The following GLIS3 variants were observed in gnomAD, a reference collection of about 807,000 sequenced individuals.
GLIS3 encodes GLIS family zinc finger 3, also known as zinc finger protein GLIS3.
A neutral mutation model predicts 78.6 loss-of-function variants in GLIS3; 53 were observed. That is an observed-to-expected ratio of 0.67 (90% CI 0.54 to 0.85). The LOEUF is 0.85. GLIS3 is among the 40% of genes least tolerant of loss of function. The pLI is 0.00. For missense variants in GLIS3, 1,703 were observed against 1,231.1 expected, an observed-to-expected ratio of 1.38 and a Z score of -5.74; for synonymous variants, 684 against 509.9, an observed-to-expected ratio of 1.34 and a Z score of -4.60.
chr9:4,261,431 A>G (rs1359620855), intron 2 of GLIS3, among the ~76,000 whole-genome samples: 1 of 152,174 alleles, frequency 6.6e-6, no homozygotes, highest in Non-Finnish European at 1.5e-5. Flanking sequence ...GGGATGGTGA[A>G]AGTATGAATG....
rs186214643 is a variant in GLIS3 at position 4,294,139 on chromosome 9, T to A, written c.-99+5282A>T. Among the ~76,000 whole-genome samples the A allele has an allele frequency of 8.5e-4, 129 of 152,326 alleles. 1 individual carries two copies. The highest frequency in any genetic ancestry group is 3.4e-3 in the Middle Eastern group (1 of 294). On this transcript the variant is annotated intron_variant, in intron 1 of 10. Coordinates refer to ENST00000381971, the MANE Select transcript of GLIS3 (RefSeq NM_001042413.2). ...CCAAACACCCACTTTAGGCCCTCCT[T>A]GATCCTTTTTTAGTCTCTATAAATC...
chr9:3,880,437 A>T (rs915753657), intron 7 of GLIS3, among the ~76,000 whole-genome samples: 7 of 152,302 alleles, frequency 4.6e-5, no homozygotes, highest in Middle Eastern at 6.8e-3. Context: ...AGTGTCTGGG[A>T]CCTACTCCGT....
chr9:4,137,897 C>G (rs1395267231), intron 2 of GLIS3, among the ~76,000 whole-genome samples: 1 of 152,210 alleles, frequency 6.6e-6, no homozygotes, highest in African/African-American at 2.4e-5. Context: ...TCTCCCTCGA[C>G]AAATTTTCTA....
chr9:3,865,193 C>T (rs1820491784), intron 8 of GLIS3, among the ~76,000 whole-genome samples: 2 of 152,180 alleles, frequency 1.3e-5, no homozygotes, highest in African/African-American at 4.8e-5. Context: ...AGGACACAAA[C>T]ACAAAAGGTT....
chr9:4,294,340 T>C (rs942046108), intron 1 of GLIS3, among the ~76,000 whole-genome samples: 8 of 152,100 alleles, frequency 5.3e-5, no homozygotes, highest in African/African-American at 1.7e-4. Context: ...GAAACCCCCA[T>C]CTCTACTAAA....
chr9:4,061,817 C>T (rs978764402), intron 4 of GLIS3, among the ~76,000 whole-genome samples: 7 of 152,178 alleles, frequency 4.6e-5, no homozygotes, highest in African/African-American at 1.4e-4. Flanking sequence ...AAGAATTATG[C>T]AAGAATGCCA....
chr9:4,133,091 TTAGA>T (rs1231971430), intron 2 of GLIS3, among the ~76,000 whole-genome samples: 1 of 152,192 alleles, frequency 6.6e-6, no homozygotes, highest in Non-Finnish European at 1.5e-5. Flanking sequence ...GAATAGAACA[TTAGA>T]TAAAGTTGAA....
chr9:4,250,785 G>A (rs566207151), intron 2 of GLIS3, among the ~76,000 whole-genome samples: 2 of 152,286 alleles, frequency 1.3e-5, no homozygotes, highest in Admixed American at 1.3e-4. Flanking sequence ...TGCTTTAGCT[G>A]TGTCCCAGAG....
At chr9:4,380,153 G>A in the GLIS3 span, among the ~76,000 whole-genome samples, 2 of 152,208 alleles carry the variant, frequency 1.3e-5, no homozygotes, top group African/African-American at 4.8e-5. Context: ...TATACAGCTA[G>A]GAGAAGGAAT....
upstream of GLIS3, among the ~76,000 whole-genome samples, chr9:4,349,507 T>C (rs1817936177): frequency 1.3e-5 from 2 of 152,092 alleles, no homozygotes; most frequent in East Asian, 1.9e-4. Context: ...AGAATGGAAA[T>C]GGTCATTGCA....
intron 6 of GLIS3, among the ~76,000 whole-genome samples, chr9:3,914,006 C>T (rs193087195): frequency 8.5e-5 from 13 of 152,210 alleles, no homozygotes; most frequent in Admixed American, 3.9e-4. Flanking sequence ...AATGAAATCA[C>T]GTCACATGCA....
chr9:4,432,799 C>T, the GLIS3 span, among the ~76,000 whole-genome samples: 1 of 151,936 alleles, frequency 6.6e-6, no homozygotes, highest in Non-Finnish European at 1.5e-5. Context: ...CGCCACCACG[C>T]CCGGCTAATT....
At chr9:4,460,569 G>A in the GLIS3 span, among the ~76,000 whole-genome samples, 5 of 13,998 alleles carry the variant, frequency 3.6e-4, no homozygotes, top group East Asian at 1.8e-3. Flanking sequence ...ACCACCCCCC[G>A]AGTTTAAATA....
At chr9:4,233,756 T>C (rs1220712707) in intron 2 of GLIS3, among the ~76,000 whole-genome samples, 1 of 152,224 alleles carries the variant, frequency 6.6e-6, no homozygotes, top group African/African-American at 2.4e-5. Context: ...ACTTCTCCTC[T>C]GTAGCTATGA....
intron 2 of GLIS3, among the ~76,000 whole-genome samples, chr9:4,174,782 G>C (rs780642397): frequency 6.6e-6 from 1 of 152,190 alleles, no homozygotes; most frequent in Non-Finnish European, 1.5e-5. Context: ...TATATTCCAG[G>C]AGGCAGTACA....
chr9:4,388,136 T>C, the GLIS3 span, among the ~76,000 whole-genome samples: 670 of 152,306 alleles, frequency 4.4e-3, 4 homozygotes, highest in African/African-American at 0.015. Flanking sequence ...AGGTTATCCA[T>C]GCGTAAGACT....
chr9:4,350,825 G>T (rs1323330919), upstream of GLIS3, among the ~76,000 whole-genome samples: 3 of 149,886 alleles, frequency 2.0e-5, no homozygotes, highest in Non-Finnish European at 3.0e-5. Context: ...GTTTTTGTTT[G>T]TTTTTGTTTT....
chr9:4,172,699 G>A (rs1366223247), intron 2 of GLIS3, among the ~76,000 whole-genome samples: 1 of 152,142 alleles, frequency 6.6e-6, no homozygotes, highest in Non-Finnish European at 1.5e-5. Flanking sequence ...CTCTCCACAG[G>A]TTAGGGTGAG....
chr9:4,072,880 T>C (rs772348881), intron 4 of GLIS3, among the ~76,000 whole-genome samples: 14 of 152,200 alleles, frequency 9.2e-5, no homozygotes, highest in Non-Finnish European at 1.8e-4. Flanking sequence ...TATCATTTTA[T>C]AGTTCACGTA....
Sources: allele counts gnomAD v4.1 joint callset (sites outside exome capture counted in the v4.1 genomes callset), GRCh38; gene constraint gnomAD v4.1.1; transcripts MANE v1.5; gene names NCBI Gene and HGNC (gene_info 2026-07-23, HGNC 2026-07-21).